TBC1D15: variants seen among roughly 807,000 people sequenced by gnomAD.
TBC1D15 encodes the protein GAP for RAB7.
A neutral mutation model predicts 95.4 loss-of-function variants in TBC1D15; 39 were observed. That is an observed-to-expected ratio of 0.41 (90% CI 0.32 to 0.53). TBC1D15 has a LOEUF of 0.53. Among genes scored for constraint, TBC1D15 ranks in the 20% least tolerant of loss-of-function variants. The pLI is 0.29. For missense variants in TBC1D15, 733 were observed against 794.3 expected, an observed-to-expected ratio of 0.92 and a Z score of 0.93; for synonymous variants, 258 against 261.3, an observed-to-expected ratio of 0.99 and a Z score of 0.12.
At chr12:71,893,577 T>A (rs1164978660) in intron 6 of TBC1D15, among the ~76,000 whole-genome samples, 4 of 151,932 alleles carry the variant, frequency 2.6e-5, no homozygotes, top group African/African-American at 9.7e-5. Flanking sequence ...CAGTTTATTA[T>A]AATACTAAAA....
At chr12:71,893,108 A>G (rs10467176) in intron 5 of TBC1D15, 114 bp from the exon 6 acceptor site, 45,194 of 574,760 alleles carry the variant, frequency 0.079, 2,431 homozygotes, top group African/African-American at 0.15. Context: ...GAAAACTGTT[A>G]AAATATTTTG....
At chr12:71,841,972 T>C (rs1379316136) in intron 1 of TBC1D15, among the ~76,000 whole-genome samples, 1 of 152,158 alleles carries the variant, frequency 6.6e-6, no homozygotes, top group African/African-American at 2.4e-5. Context: ...GTGTGTGTGT[T>C]TATTTATTCA....
At chr12:71,843,009 G>C (rs1318145756) in intron 1 of TBC1D15, among the ~76,000 whole-genome samples, 1 of 151,676 alleles carries the variant, frequency 6.6e-6, no homozygotes. Flanking sequence ...ATTACTGGCC[G>C]GGCACGGTGG....
intron 1 of TBC1D15, chr12:71,854,648 G>A (rs1340255733): frequency 6.6e-6 from 3 of 456,450 alleles, no homozygotes; most frequent in African/African-American, 6.0e-5. Flanking sequence ...ATAGCTGAAG[G>A]TCATCATCAT....
chr12:71,858,435 T>C (rs1246649197), intron 1 of TBC1D15, among the ~76,000 whole-genome samples: 1 of 151,984 alleles, frequency 6.6e-6, no homozygotes, highest in Non-Finnish European at 1.5e-5. Flanking sequence ...ATCTTGGCTA[T>C]TGTGAATAGT....
intron 3 of TBC1D15, among the ~76,000 whole-genome samples, chr12:71,876,053 A>G (rs1039244914): frequency 2.6e-5 from 4 of 152,166 alleles, no homozygotes; most frequent in African/African-American, 7.2e-5. Flanking sequence ...TTGGCCTCCC[A>G]AAGTGCAGGG....
intron 1 of TBC1D15, among the ~76,000 whole-genome samples, chr12:71,848,432 A>G (rs978476993): frequency 1.3e-5 from 2 of 152,188 alleles, no homozygotes; most frequent in Admixed American, 1.3e-4. Context: ...CATTTCTGTA[A>G]TGACTAATGG....
At chr12:71,847,844 T>C (rs1397802818) in intron 1 of TBC1D15, among the ~76,000 whole-genome samples, 1 of 152,102 alleles carries the variant, frequency 6.6e-6, no homozygotes, top group Non-Finnish European at 1.5e-5. Flanking sequence ...ACACCTGTAA[T>C]CCCAGCACTT....
chr12:71,898,574 C>A (rs560908612), intron 10 of TBC1D15, among the ~76,000 whole-genome samples: 1 of 152,198 alleles, frequency 6.6e-6, no homozygotes, highest in Middle Eastern at 3.4e-3. Flanking sequence ...GAAACTGAAG[C>A]ATGGAGAACA....
intron 10 of TBC1D15, 104 bp downstream of exon 10, chr12:71,898,045 A>T: frequency 1.3e-6 from 1 of 782,770 alleles, no homozygotes; most frequent in Non-Finnish European, 2.1e-6. Flanking sequence ...AGGGCTCAAA[A>T]GAGAAATCAG....
chr12:71,883,532 GTAGATTTC>G (rs1367995831), intron 4 of TBC1D15, among the ~76,000 whole-genome samples: 3 of 152,120 alleles, frequency 2.0e-5, no homozygotes, highest in South Asian at 2.1e-4. Context: ...TCTGTAAGCT[GTAGATTTC>G]TTTTTGTGAG....
In TBC1D15 at chr12:71,892,311, A is replaced by T. The variant is rs191311796; in HGVS notation, c.555-911A>T. Among the ~76,000 whole-genome samples, 9 of 152,160 alleles carry T rather than the reference A, an allele frequency of 5.9e-5. No individual in the cohort carries two copies. The East Asian group carries it at 1.7e-3, about 29-fold the overall frequency. On this transcript the variant is annotated intron_variant, in intron 5 of 16. Transcript: ENST00000485960. ...ATATCCACTCTAGCATTACTGTTACATCCTGTTATGTTAGAATTGAGAAGG... is the reference window on the plus strand; with the variant it reads ...ATATCCACTCTAGCATTACTGTTACTTCCTGTTATGTTAGAATTGAGAAGG...
At chr12:71,914,430 T>G (rs1903185433) in intron 12 of TBC1D15, among the ~76,000 whole-genome samples, 1 of 152,044 alleles carries the variant, frequency 6.6e-6, no homozygotes, top group Admixed American at 6.6e-5. Context: ...TATGTGATTA[T>G]TAGAATTGAA....
At chr12:71,861,298 ATGTT>A (rs1890309115) in intron 1 of TBC1D15, 1 of 469,140 alleles carries the variant, frequency 2.1e-6, no homozygotes, top group South Asian at 7.1e-5. Context: ...TCTTCTCTAA[ATGTT>A]TGGTAGAATT....
At chr12:71,882,075 C>T (rs915369610) in intron 4 of TBC1D15, among the ~76,000 whole-genome samples, 1 of 151,412 alleles carries the variant, frequency 6.6e-6, no homozygotes, top group African/African-American at 2.4e-5. Context: ...AAGTTTTTTT[C>T]CCCCCAAAGA....
At chr12:71,906,700 T>G (rs1900797758) in intron 10 of TBC1D15, among the ~76,000 whole-genome samples, 1 of 152,070 alleles carries the variant, frequency 6.6e-6, no homozygotes, top group South Asian at 2.1e-4. Context: ...GCATTTTTGT[T>G]GCTAATGCAA....
intron 1 of TBC1D15, among the ~76,000 whole-genome samples, chr12:71,864,075 C>CTT (rs944597466): frequency 6.9e-6 from 1 of 144,290 alleles, no homozygotes; most frequent in South Asian, 2.2e-4. Flanking sequence ...TATTTTCTTG[C>CTT]TTTTTTTTTT....
chr12:71,872,060 G>A lies in TBC1D15; in HGVS notation c.31-10G>A. On this transcript the variant is annotated splice_polypyrimidine_tract_variant and intron_variant, in intron 1 of 16. Coordinates refer to ENST00000485960, the MANE Select transcript of TBC1D15 (RefSeq NM_001146213.3). ...AAATTATGTGACTAACTTTATTTTTGCTGTTTTAGATTATATATGAACAAG... is the reference window on the plus strand; with the variant it reads ...AAATTATGTGACTAACTTTATTTTTACTGTTTTAGATTATATATGAACAAG... 1 of 1,295,772 alleles carries A rather than the reference G, an allele frequency of 7.7e-7. No homozygotes were observed. The highest frequency in any genetic ancestry group is 1.9e-4 in the Middle Eastern group (1 of 5,198). 80.3% of individuals were successfully genotyped at this position (1,295,772 alleles called of 1,614,324 possible). A position where few individuals can be genotyped will look rare whatever the true frequency, so the allele number is the denominator to read the frequency against.
intron 1 of TBC1D15, among the ~76,000 whole-genome samples, chr12:71,870,894 G>A (rs1892524382): frequency 6.6e-6 from 1 of 152,104 alleles, no homozygotes; most frequent in Non-Finnish European, 1.5e-5. Context: ...ATGAATGAAG[G>A]AGTGATAGAC....
Sources: allele counts gnomAD v4.1 joint callset (sites outside exome capture counted in the v4.1 genomes callset), GRCh38; gene constraint gnomAD v4.1.1; transcripts MANE v1.5; gene names NCBI Gene and HGNC (gene_info 2026-07-23, HGNC 2026-07-21).